Variants in WDR37 observed in about 807,000 individuals in gnomAD.
WDR37 encodes WD repeat-containing protein 37.
Under a neutral mutation model 62.9 loss-of-function variants are expected in WDR37, and 19 were observed. The observed-to-expected ratio is 0.30, with a 90% CI of 0.21 to 0.44. The LOEUF is 0.44. Ranked by LOEUF, WDR37 falls within the 20% of genes least tolerant of loss-of-function variation. The pLI is 1.00. For missense variants in WDR37, 474 were observed against 657.6 expected, an observed-to-expected ratio of 0.72 and a Z score of 3.05; for synonymous variants, 250 against 260.9, an observed-to-expected ratio of 0.96 and a Z score of 0.40.
chr10:1,111,394 CT>C (rs893784578), intron 11 of WDR37, among the ~76,000 whole-genome samples: 1 of 152,014 alleles, frequency 6.6e-6, no homozygotes, highest in Non-Finnish European at 1.5e-5. Context: ...TCCCCACTTT[CT>C]TTTTTTTCTT....
rs1480263306 is a variant in WDR37 at position 1,105,880 on chromosome 10, G to A, written c.1103+613G>A. Among the ~76,000 whole-genome samples, 1 of 152,028 alleles carries A rather than the reference G, an allele frequency of 6.6e-6. No individual in the cohort carries two copies. Among genetic ancestry groups the A allele is most frequent in the Non-Finnish European group, 1.5e-5 (1 of 68,014 alleles). ...GGCTCACTGCAAGCTCCGCCTCCCG[G>A]GTTCACGCCATTCTCCTGCCTCAGC... On this transcript the variant is annotated intron_variant, in intron 11 of 13. Coordinates refer to ENST00000263150, the MANE Select transcript of WDR37 (RefSeq NM_014023.4). The surrounding 1 kb of genome is among the most constrained non-coding windows in gnomAD (Gnocchi z 5.3).
chr10:1,122,190 C>T (rs558571728), intron 11 of WDR37, among the ~76,000 whole-genome samples: 6 of 151,880 alleles, frequency 4.0e-5, no homozygotes, highest in East Asian at 1.9e-4. Context: ...GACTGGACCT[C>T]GATGAGGGTA....
At chr10:1,092,941 G>T (rs1834449516) in intron 7 of WDR37, among the ~76,000 whole-genome samples, 1 of 149,210 alleles carries the variant, frequency 6.7e-6, no homozygotes, top group Non-Finnish European at 1.5e-5. Flanking sequence ...AAAGTGGGAG[G>T]ACATCATAGA....
intron 7 of WDR37, among the ~76,000 whole-genome samples, chr10:1,091,560 A>G (rs959039691): frequency 6.6e-6 from 1 of 152,208 alleles, no homozygotes; most frequent in Non-Finnish European, 1.5e-5. Flanking sequence ...TATATGTTCT[A>G]CGTTAGGGAC....
Position 1,068,947 on chromosome 10 carries a change from C to G in WDR37, c.-40-3169C>G, listed in dbSNP as rs552039690. 9.9e-5 allele frequency among the ~76,000 whole-genome samples: 15 copies of G among 152,166 alleles called. No individual in the cohort carries two copies. The South Asian group carries it at 3.1e-3, about 32-fold the overall frequency. On this transcript the variant is annotated intron_variant, in intron 1 of 13. Transcript: ENST00000263150. ...AGAAGCTGGTTGTCACAGACCAGAG[C>G]GTATGTTGTATGATTCCATTTTTAT...
intron 2 of WDR37, 21 bp downstream of exon 2, chr10:1,072,314 G>T: frequency 6.8e-6 from 11 of 1,609,172 alleles, no homozygotes; most frequent in Non-Finnish European, 9.3e-6. Flanking sequence ...ATTGATTAGG[G>T]CCTTATTGAT....
At chr10:1,073,161 G>T in intron 2 of WDR37, among the ~76,000 whole-genome samples, 1 of 151,996 alleles carries the variant, frequency 6.6e-6, no homozygotes, top group East Asian at 1.9e-4. Context: ...AAGTCTAGAC[G>T]CAGTATATTT....
chr10:1,115,656 G>T (rs974642394), intron 11 of WDR37, among the ~76,000 whole-genome samples: 1 of 152,238 alleles, frequency 6.6e-6, no homozygotes, highest in Admixed American at 6.5e-5. Flanking sequence ...GGGCCTCTGG[G>T]TGCTGTCCGG....
chr10:1,110,843 C>T (rs772764259), intron 11 of WDR37, among the ~76,000 whole-genome samples: 1 of 152,264 alleles, frequency 6.6e-6, no homozygotes. Flanking sequence ...CCCAGACCCA[C>T]AGGGCCTGGC....
intron 11 of WDR37, among the ~76,000 whole-genome samples, chr10:1,123,032 C>G (rs1453701891): frequency 6.6e-6 from 1 of 152,146 alleles, no homozygotes; most frequent in African/African-American, 2.4e-5. Context: ...TCTTCCCCCT[C>G]TCTTCTTGTT....
chr10:1,057,201 G>A (rs1202046517), intron 1 of WDR37, among the ~76,000 whole-genome samples: 1 of 152,028 alleles, frequency 6.6e-6, no homozygotes, highest in African/African-American at 2.4e-5. Flanking sequence ...GGTTCAGGGT[G>A]CAAGAGAAGT....
chr10:1,096,133 T>C (rs1258889980), intron 8 of WDR37, 37 bp from the exon 9 acceptor site: 1 of 1,608,784 alleles, frequency 6.2e-7, no homozygotes, highest in South Asian at 1.1e-5. Context: ...TACCATGGTC[T>C]GTGCCTTGGG....
intron 11 of WDR37, among the ~76,000 whole-genome samples, chr10:1,112,098 T>A (rs895320823): frequency 2.6e-5 from 4 of 152,166 alleles, no homozygotes; most frequent in Non-Finnish European, 5.9e-5. Flanking sequence ...CTCCGTAGAT[T>A]GATGTTTTTT....
At chr10:1,101,987 C>G (rs1414231299) in intron 9 of WDR37, among the ~76,000 whole-genome samples, 1 of 152,180 alleles carries the variant, frequency 6.6e-6, no homozygotes, top group African/African-American at 2.4e-5. Flanking sequence ...TGTTCCCGTG[C>G]TGCCCTGGGT....
At chr10:1,115,459 T>C (rs542175468) in intron 11 of WDR37, among the ~76,000 whole-genome samples, 22 of 152,346 alleles carry the variant, frequency 1.4e-4, no homozygotes, top group Non-Finnish European at 4.4e-5. Context: ...CACTGAGTTC[T>C]AGATCATGTG....
intron 11 of WDR37, among the ~76,000 whole-genome samples, chr10:1,117,343 T>C (rs1564512157): frequency 6.6e-6 from 1 of 152,222 alleles, no homozygotes; most frequent in Non-Finnish European, 1.5e-5. Context: ...CATGACCCAC[T>C]GAGCCTGGCT....
At chr10:1,076,975 G>A (rs1687053330) in intron 2 of WDR37, among the ~76,000 whole-genome samples, 1 of 151,260 alleles carries the variant, frequency 6.6e-6, no homozygotes, top group Admixed American at 6.6e-5. Flanking sequence ...ACTCCAGCCT[G>A]GGTGACAGAG....
chr10:1,097,109 A>C (rs1248833990), intron 9 of WDR37, among the ~76,000 whole-genome samples: 1 of 152,224 alleles, frequency 6.6e-6, no homozygotes, highest in African/African-American at 2.4e-5. Context: ...CCTCGCTTAC[A>C]ATAAAGTGTG....
At chr10:1,107,666 C>T (rs914710851) in intron 11 of WDR37, among the ~76,000 whole-genome samples, 3 of 151,972 alleles carry the variant, frequency 2.0e-5, no homozygotes, top group African/African-American at 7.3e-5. Flanking sequence ...CTGAAACACA[C>T]GCCCACTAAC....
Sources: allele counts gnomAD v4.1 joint callset (sites outside exome capture counted in the v4.1 genomes callset), GRCh38; gene constraint gnomAD v4.1.1; non-coding constraint Gnocchi (gnomAD v3.1); transcripts MANE v1.5; gene names NCBI Gene and HGNC (gene_info 2026-07-23, HGNC 2026-07-21).